The following FGF14 variants were observed in gnomAD, a reference collection of about 807,000 sequenced individuals.
FGF14 encodes the protein fibroblast growth factor 14.
A neutral mutation model predicts 25.5 loss-of-function variants in FGF14; 5 were observed. The observed-to-expected ratio is 0.20, with a 90% CI of 0.10 to 0.41. The LOEUF is 0.41. FGF14 is among the 10% of genes least tolerant of loss of function. FGF14 has a pLI of 1.00. For synonymous variants in FGF14, 138 were observed against 118.3 expected, an observed-to-expected ratio of 1.17 and a Z score of -1.08; for missense variants, 222 against 320.1, an observed-to-expected ratio of 0.69 and a Z score of 2.34.
chr13:102,381,360 G>GGAAA, intron 1 of FGF14, among the ~76,000 whole-genome samples: 1 of 152,322 alleles, frequency 6.6e-6, no homozygotes, highest in East Asian at 1.9e-4. Flanking sequence ...GGAGCCTCTA[G>GGAAA]GAAATGATTA....
chr13:102,064,182 G>T (rs1212714153), intron 1 of FGF14, among the ~76,000 whole-genome samples: 3 of 152,052 alleles, frequency 2.0e-5, no homozygotes, highest in Non-Finnish European at 4.4e-5. Context: ...AAGAACTAAG[G>T]TACCACCAGG....
rs73569530 is a variant in FGF14, at chr13:101,969,270, C to T, written c.209-93974G>A. Reference sequence around the variant, plus strand: ...TTACTGGGGATTGAAGGATAAGAAACGGTATAGTCTAGGCTGGGTGCAGTG... The same window carrying T: ...TTACTGGGGATTGAAGGATAAGAAATGGTATAGTCTAGGCTGGGTGCAGTG... On this transcript the variant is annotated intron_variant, in intron 1 of 4. Transcript: ENST00000376131. Among the ~76,000 whole-genome samples, 1,048 of 152,190 alleles carry T rather than the reference C, an allele frequency of 6.9e-3. 14 individuals are homozygous for T. The highest frequency in any genetic ancestry group is 0.024 in the African/African-American group (989 of 41,544).
intron 1 of FGF14, among the ~76,000 whole-genome samples, chr13:101,965,751 T>C (rs1271030128): frequency 6.6e-6 from 1 of 151,222 alleles, no homozygotes; most frequent in Non-Finnish European, 1.5e-5. Flanking sequence ...GAGAAGTCAA[T>C]TTACTTTAAG....
At chr13:101,856,343 G>A (rs2044124472) in intron 3 of FGF14, among the ~76,000 whole-genome samples, 1 of 151,722 alleles carries the variant, frequency 6.6e-6, no homozygotes, top group East Asian at 1.9e-4. Flanking sequence ...AGGCATAGTG[G>A]CTACCATTAA....
intron 1 of FGF14, among the ~76,000 whole-genome samples, chr13:102,341,721 T>C (rs973424767): frequency 2.0e-5 from 3 of 147,930 alleles, no homozygotes; most frequent in Admixed American, 1.3e-4. Flanking sequence ...CATACAGCTA[T>C]GGTATTACTC....
intron 1 of FGF14, among the ~76,000 whole-genome samples, chr13:102,167,776 G>A (rs575990871): frequency 6.8e-6 from 1 of 147,560 alleles, no homozygotes; most frequent in East Asian, 2.0e-4. Flanking sequence ...TAAGATATTA[G>A]AAACTGGCAT....
At chr13:101,981,328 G>A (rs900778663) in intron 1 of FGF14, among the ~76,000 whole-genome samples, 3 of 151,982 alleles carry the variant, frequency 2.0e-5, no homozygotes, top group Admixed American at 6.6e-5. Flanking sequence ...TGCCCCTTCC[G>A]CCATGTAAGG....
Position 101,916,567 on chromosome 13 carries a change from T to C in FGF14, c.79A>G (p.Ser27Gly). The stretch of plus-strand genomic sequence containing the variant: ...TTGCTGGGGCTGCTCCGCCTCCTGC[T>C]GGCAGACGGCCGGTCCCAGTGCTGC... Reference protein sequence around the residue: ...REQHWDRPSASRRRSSPSKNR... With the variant: ...REQHWDRPSAGRRRSSPSKNR... The change falls in exon 1 of 5, where the codon AGC becomes GGC. Residue 27 changes from serine (S) to glycine (G), a missense_variant. Around this residue, in one of 5 missense-constraint regions of FGF14, gnomAD observed 80 missense variants for 72.2 expected, o/e 1.11. Coordinates refer to ENST00000376143, the MANE Select transcript of FGF14 (RefSeq NM_004115.4). 6.2e-7 allele frequency: 1 copy of C among 1,611,774 alleles called. No homozygotes were observed. Among genetic ancestry groups the C allele is most frequent in the Non-Finnish European group, 8.5e-7 (1 of 1,179,310 alleles).
chr13:101,880,085 G>A (rs528943194), intron 1 of FGF14, among the ~76,000 whole-genome samples: 43 of 152,162 alleles, frequency 2.8e-4, no homozygotes, highest in African/African-American at 9.6e-4. Flanking sequence ...ATGCTACCTC[G>A]AGAACCCCTT....
chr13:101,742,664 A>C (rs2036628812), intron 3 of FGF14, among the ~76,000 whole-genome samples: 2 of 152,176 alleles, frequency 1.3e-5, no homozygotes. Context: ...TGATTAAAAG[A>C]TGTGAAAGAA....
chr13:102,354,655 T>A (rs2057374220), intron 1 of FGF14, among the ~76,000 whole-genome samples: 1 of 152,180 alleles, frequency 6.6e-6, no homozygotes, highest in South Asian at 2.1e-4. Context: ...GGTATGTAGC[T>A]TTTTTATCTC....
chr13:101,749,223 C>G (rs2037106464), intron 3 of FGF14, among the ~76,000 whole-genome samples: 1 of 151,948 alleles, frequency 6.6e-6, no homozygotes, highest in Non-Finnish European at 1.5e-5. Context: ...TTCTGGAGAT[C>G]TGATGGACAG....
chr13:101,865,122 A>G (rs2044633552), intron 3 of FGF14, among the ~76,000 whole-genome samples: 1 of 152,126 alleles, frequency 6.6e-6, no homozygotes, highest in Non-Finnish European at 1.5e-5. Flanking sequence ...CCAGAAACAC[A>G]TTCTCACTTC....
intron 1 of FGF14, among the ~76,000 whole-genome samples, chr13:102,174,139 T>C (rs200947069): frequency 0.11 from 16,628 of 149,776 alleles, 2,082 homozygotes; most frequent in East Asian, 0.69. Flanking sequence ...GCATTTCTTT[T>C]TTTTTTTTTT....
At chr13:101,907,512 G>A (rs1282044836) in intron 1 of FGF14, among the ~76,000 whole-genome samples, 2 of 152,060 alleles carry the variant, frequency 1.3e-5, no homozygotes, top group African/African-American at 2.4e-5. Flanking sequence ...ACTGAAAACA[G>A]AATCTTGAGT....
intron 1 of FGF14, among the ~76,000 whole-genome samples, chr13:102,309,389 G>A (rs9554868): frequency 0.15 from 22,522 of 152,044 alleles, 2,101 homozygotes; most frequent in East Asian, 0.39. Context: ...TCACTTCACC[G>A]GCTGAAATGA....
At chr13:102,142,271 C>T (rs2046673889) in intron 1 of FGF14, among the ~76,000 whole-genome samples, 1 of 152,102 alleles carries the variant, frequency 6.6e-6, no homozygotes, top group Admixed American at 6.6e-5. Flanking sequence ...TATATTGCAT[C>T]TTTTCTTAAC....
At chr13:102,095,213 A>G (rs150576145) in intron 1 of FGF14, among the ~76,000 whole-genome samples, 353 of 152,242 alleles carry the variant, frequency 2.3e-3, no homozygotes, top group South Asian at 6.0e-3. Flanking sequence ...GATATTGGGG[A>G]AAAAAAGTCA....
At chr13:102,115,850 G>A (rs685764) in intron 1 of FGF14, among the ~76,000 whole-genome samples, 80,383 of 151,722 alleles carry the variant, frequency 0.53, 22,652 homozygotes, top group East Asian at 0.75. Flanking sequence ...GGCGGCTCAT[G>A]CCTGTAATCT....
Sources: gnomAD v4.1 joint callset for allele counts (sites outside exome capture counted in the v4.1 genomes callset) on GRCh38, gnomAD v4.1.1 for gene constraint, gnomAD v4.1.1 regional missense constraint, MANE v1.5 for transcripts, NCBI Gene and HGNC (gene_info 2026-07-23, HGNC 2026-07-21) for gene names.